DST: variants seen among roughly 807,000 people sequenced by gnomAD.
DST encodes the protein bullous pemphigoid antigen.
DST carries 253 observed loss-of-function variants against 875.2 expected under a neutral mutation model. The ratio of observed to expected loss-of-function variants is 0.29; its 90% CI spans 0.26 to 0.32. The LOEUF is 0.32. Among genes scored for constraint, DST ranks in the 10% least tolerant of loss-of-function variants. The pLI is 1.00. For synonymous variants in DST, 3,124 were observed against 3,197.1 expected (o/e 0.98, Z 0.77); for missense variants, 8,287 against 9,111.6 (o/e 0.91, Z 3.68).
At chr6:56,918,364 A>G (rs35860642) in intron 2 of DST, among the ~76,000 whole-genome samples, 1 of 151,872 alleles carries the variant, frequency 6.6e-6, no homozygotes, top group African/African-American at 2.4e-5. Context: ...CGACCTCAAG[A>G]GATCCACCCA....
At chr6:56,722,116 CAA>C (rs753991419) in intron 5 of DST, among the ~76,000 whole-genome samples, 1 of 141,856 alleles carries the variant, frequency 7.0e-6, no homozygotes, top group Non-Finnish European at 1.5e-5. Context: ...GGGACATTAA[CAA>C]AAAAAAAAAG....
intron 2 of DST, among the ~76,000 whole-genome samples, chr6:56,907,622 A>G (rs1487183548): frequency 6.6e-6 from 1 of 152,238 alleles, no homozygotes; most frequent in African/African-American, 2.4e-5. Context: ...TAAAGAGATT[A>G]TAAGGCAGTA....
In DST at chr6:56,714,662, G is replaced by A. The variant is rs2099388740; in HGVS notation, c.688-10293C>T. 6.6e-6 allele frequency among the ~76,000 whole-genome samples: 1 copy of A among 152,166 alleles called. No individual in the cohort carries two copies. Among genetic ancestry groups the A allele is most frequent in the East Asian group, 1.9e-4 (1 of 5,190 alleles). On this transcript the variant is annotated intron_variant, in intron 5 of 103. Coordinates refer to ENST00000680361, the MANE Select transcript of DST (RefSeq NM_001374736.1). The surrounding 1 kb of genome is among the most constrained non-coding windows in gnomAD (Gnocchi z 4.5). ...ACCACATAACAGCTATGGGTTTACT[G>A]GAAGATGCTCAGGTCCCAGTGCCCT...
chr6:56,476,428 A>C (rs1749960460), intron 91 of DST, 91 bp from the exon 92 acceptor site: 1 of 1,174,340 alleles, frequency 8.5e-7, no homozygotes, highest in African/African-American at 1.5e-5. Flanking sequence ...AATGAAAATT[A>C]GGATCATCCT....
rs140536580 is a variant in DST, at chr6:56,626,731, G to C, written c.4722+473C>G. Reference sequence around the variant, plus strand: ...GGGTGGTCGGGTAATTTCCAAGTCTGTTTAGAAGCTCATGAAAATATATGT... The same window carrying C: ...GGGTGGTCGGGTAATTTCCAAGTCTCTTTAGAAGCTCATGAAAATATATGT... On this transcript the variant is annotated intron_variant, in intron 34 of 103. Transcript: ENST00000680361. Among the ~76,000 whole-genome samples, 688 of 152,184 alleles carry C rather than the reference G, an allele frequency of 4.5e-3. 1 individual carries two copies. The highest frequency in any genetic ancestry group is 0.016 in the African/African-American group (660 of 41,528).
Position 56,552,893 on chromosome 6 carries a change from T to C in DST, c.15899A>G (p.Asp5300Gly). 6.2e-7 allele frequency: 1 copy of C among 1,614,026 alleles called. No individual in the cohort carries two copies. Among genetic ancestry groups the C allele is most frequent in the Non-Finnish European group, 8.5e-7 (1 of 1,179,878 alleles). The change falls in exon 61 of 104, where the codon GAT becomes GGT. Residue 5300 changes from aspartate to glycine, a missense_variant. This residue lies in a region of DST where 1,513 missense variants were observed against 1,677.8 expected (regional missense o/e 0.90). Transcript: ENST00000680361. ...ACTGTAAGCCTGGGATCCCAGCGAATCATGGATATCTAGCTGCTCCTTTGC... is the reference window on the plus strand; with the variant it reads ...ACTGTAAGCCTGGGATCCCAGCGAACCATGGATATCTAGCTGCTCCTTTGC... Reference protein sequence around the residue: ...QCAKEQLDIHDSLGSQAYSNK... With the variant: ...QCAKEQLDIHGSLGSQAYSNK...
chr6:56,944,539 G>T (rs976550917), intron 2 of DST, among the ~76,000 whole-genome samples: 1 of 152,122 alleles, frequency 6.6e-6, no homozygotes, highest in Non-Finnish European at 1.5e-5. Flanking sequence ...GGCTTTCTTA[G>T]TTGGAAATAA....
chr6:56,842,522 A>C (rs1202815026), intron 4 of DST, among the ~76,000 whole-genome samples: 6 of 152,212 alleles, frequency 3.9e-5, no homozygotes, highest in Non-Finnish European at 8.8e-5. Flanking sequence ...AATTTACAAC[A>C]AACTCACTAA....
At position 56,530,144 on chromosome 6, in the gene DST, G is replaced by T. The variant is rs766717544; in HGVS notation, c.17109-11C>A. On this transcript the variant is annotated splice_polypyrimidine_tract_variant and intron_variant, in intron 64 of 103. Transcript: ENST00000680361. ...TCCAACTGACGATTCCTACAAATGT[G>T]CCAAAAGGTCATTTAGGGATGAAGA... 6.4e-7 allele frequency: 1 copy of T among 1,560,778 alleles called. No individual in the cohort carries two copies.
At chr6:56,816,934 G>A (rs1251226977) in intron 4 of DST, among the ~76,000 whole-genome samples, 1 of 151,204 alleles carries the variant, frequency 6.6e-6, no homozygotes, top group Admixed American at 6.6e-5. Flanking sequence ...GATCTTTATA[G>A]TCTCTGCTAG....
At position 56,684,923 on chromosome 6, in the gene DST, G is replaced by A. The variant is rs1490289431; in HGVS notation, c.1048-14116C>T. The stretch of plus-strand genomic sequence containing the variant: ...CGTCCTGGATCTCTCACATGAACTG[G>A]ATGTCAGGGTCCATAAAAATTTTCC... On this transcript the variant is annotated intron_variant, in intron 9 of 103. Coordinates refer to ENST00000680361, the MANE Select transcript of DST (RefSeq NM_001374736.1). 2.0e-5 allele frequency among the ~76,000 whole-genome samples: 3 copies of A among 152,206 alleles called. No homozygotes were observed. In the East Asian group the frequency reaches 5.8e-4, roughly 29 times the overall value.
At chr6:56,827,365 T>C (rs1325251437) in intron 4 of DST, among the ~76,000 whole-genome samples, 1 of 151,722 alleles carries the variant, frequency 6.6e-6, no homozygotes, top group Non-Finnish European at 1.5e-5. Flanking sequence ...AATACAAAAA[T>C]AAGCCAGGCG....
In DST at chr6:56,494,250, C is replaced by T. The variant is rs2095841567; in HGVS notation, c.20224-70G>A. 2.8e-6 allele frequency: 4 copies of T among 1,418,782 alleles called. No individual in the cohort carries two copies. The South Asian group carries it at 5.9e-5, about 21-fold the overall frequency. 87.9% of individuals were successfully genotyped at this position (1,418,782 alleles called of 1,614,324 possible). On this transcript the variant is annotated intron_variant, in intron 82 of 103. Coordinates refer to ENST00000680361, the MANE Select transcript of DST (RefSeq NM_001374736.1). Reference sequence around the variant, plus strand: ...ATTTAAGAGTTCTATTTTTCTAGGTCATCAGTCCCAAGCTCCTCATCATAT... The same window carrying T: ...ATTTAAGAGTTCTATTTTTCTAGGTTATCAGTCCCAAGCTCCTCATCATAT...
At position 56,603,022 on chromosome 6, in the gene DST, C is replaced by A. The variant is rs1362165497; in HGVS notation, c.11167G>T (p.Ala3723Ser). The stretch of plus-strand genomic sequence containing the variant: ...TGCAGAAATTCTTCATGGGAAACTG[C>A]TAGTTTAGACTAGAAAAAAAAATTG... Reference protein sequence around the residue: ...LAIDSEMSKLAVSHEEFLHKL... With the variant: ...LAIDSEMSKLSVSHEEFLHKL... Residue 3723 changes from alanine to serine, a missense_variant, in exon 43 of 104, where the codon GCA (alanine) becomes TCA (serine). Physicochemically the swap from Ala to Ser is moderately conservative, Grantham distance 99. This residue lies in a region of DST where 3,138 missense variants were observed against 3,116.6 expected (regional missense o/e 1.01). Coordinates refer to ENST00000680361, the MANE Select transcript of DST (RefSeq NM_001374736.1). 6.4e-7 allele frequency: 1 copy of A among 1,564,942 alleles called. No individual in the cohort carries two copies. The highest frequency in any genetic ancestry group is 1.2e-5 in the South Asian group (1 of 82,726).
intron 2 of DST, among the ~76,000 whole-genome samples, chr6:56,953,434 GT>G (rs1378595831): frequency 1.3e-5 from 2 of 152,350 alleles, no homozygotes; most frequent in East Asian, 3.9e-4. Flanking sequence ...GTTTATCCAA[GT>G]GAACAACCAG....
chr6:56,552,217 C>T lies in DST; in HGVS notation c.16575G>A (p.Thr5525=), dbSNP rs188035465. Residue 5525 remains threonine, a synonymous_variant, in exon 61 of 104, where the codon ACG becomes ACA. Coordinates refer to ENST00000680361, the MANE Select transcript of DST (RefSeq NM_001374736.1). The part of the protein sequence containing the change: ...EESQGPVGME[T]ETINQQLNMF... The stretch of plus-strand genomic sequence containing the variant: ...TGTTAAGCTGCTGATTAATTGTCTC[C>T]GTTTCCATACCAACAGGACCTTGTG... 909 of 1,613,168 alleles carry T rather than the reference C, an allele frequency of 5.6e-4. 6 individuals are homozygous for T. In the African/African-American group the frequency reaches 0.011, roughly 20 times the overall value.
intron 10 of DST, among the ~76,000 whole-genome samples, chr6:56,657,954 C>T (rs537451989): frequency 9.1e-4 from 138 of 151,954 alleles, no homozygotes; most frequent in Middle Eastern, 3.4e-3. Context: ...TTAGTAAAGA[C>T]GGGGTTTCGC....
intron 12 of DST, among the ~76,000 whole-genome samples, chr6:56,649,297 G>A (rs1267605635): frequency 1.3e-5 from 2 of 152,154 alleles, no homozygotes; most frequent in Non-Finnish European, 2.9e-5. Context: ...CAAAGGTTGT[G>A]TTGAGTGTTA....
intron 4 of DST, among the ~76,000 whole-genome samples, chr6:56,839,385 C>A (rs906942300): frequency 1.3e-5 from 2 of 152,152 alleles, no homozygotes; most frequent in African/African-American, 4.8e-5. Flanking sequence ...TAACACTCAG[C>A]AAATTCAACC....
Sources: gnomAD v4.1 joint callset for allele counts (sites outside exome capture counted in the v4.1 genomes callset) on GRCh38, gnomAD v4.1.1 for gene constraint, gnomAD v4.1.1 regional missense constraint, Gnocchi (gnomAD v3.1) non-coding constraint, MANE v1.5 for transcripts, NCBI Gene and HGNC (gene_info 2026-07-23, HGNC 2026-07-21) for gene names.